Variants in PRKCD observed in about 807,000 individuals in gnomAD.
PRKCD encodes the protein protein kinase C delta type.
Under a neutral mutation model 82.2 loss-of-function variants are expected in PRKCD, and 20 were observed. The ratio of observed to expected loss-of-function variants is 0.24; its 90% confidence interval spans 0.17 to 0.35. The LOEUF (loss-of-function observed/expected upper bound fraction) is 0.35. Among genes scored for constraint, PRKCD ranks in the 10% least tolerant of loss-of-function variants. PRKCD has a pLI of 1.00. For synonymous variants in PRKCD, 317 were observed against 337.0 expected, an observed-to-expected ratio of 0.94 and a Z score of 0.65; for missense variants, 607 against 899.0, an observed-to-expected ratio of 0.68 and a Z score of 4.15.
intron 2 of PRKCD, among the ~76,000 whole-genome samples, chr3:53,173,313 G>A (rs1703102468): frequency 6.6e-6 from 1 of 152,128 alleles, no homozygotes; most frequent in Non-Finnish European, 1.5e-5. Context: ...CCACTGCCGG[G>A]TACTGGCTGG....
chr3:53,180,574 C>T (rs1240346752), intron 4 of PRKCD, among the ~76,000 whole-genome samples: 5 of 152,152 alleles, frequency 3.3e-5, no homozygotes, highest in African/African-American at 7.2e-5. Flanking sequence ...CAGCCTCCTG[C>T]GAGGGGTGAG....
intron 2 of PRKCD, among the ~76,000 whole-genome samples, chr3:53,167,661 T>C (rs1431293910): frequency 1.3e-5 from 2 of 152,246 alleles, no homozygotes; most frequent in Non-Finnish European, 2.9e-5. Context: ...CAGAGTTGAA[T>C]GAGTAGAAAC....
At chr3:53,187,427 C>T in intron 15 of PRKCD, 25 bp downstream of exon 15, 2 of 1,611,790 alleles carry the variant, frequency 1.2e-6, no homozygotes, top group Non-Finnish European at 1.7e-6. Context: ...GCAGCGGGGG[C>T]TCTTGGGAGG....
At position 53,167,634 on chromosome 3, in the gene PRKCD, C is replaced by T. The variant is rs146996211; in HGVS notation, c.-20+2419C>T. Among the ~76,000 whole-genome samples the T allele has an allele frequency of 4.2e-3, 640 of 152,368 alleles. 40 individuals are homozygous for T. The South Asian group carries it at 0.11, about 26-fold the overall frequency. ...ATAACATATGCAAAGTAGCTGGCAT[C>T]GTGCTTAGTGCATTGTCAGAGTTGA... On this transcript the variant is annotated intron_variant, in intron 2 of 18. Transcript: ENST00000330452.
rs187945460 is a variant in PRKCD at position 53,184,384 on chromosome 3, T to C, written c.788-490T>C. On this transcript the variant is annotated intron_variant, in intron 9 of 18. Transcript: ENST00000330452. ...AACAACAACAAAAATCATGAAAGAT[T>C]GAAATGCTTGGCCGGGCGTGGTGGC... 4.4e-3 allele frequency among the ~76,000 whole-genome samples: 637 copies of C among 145,330 alleles called. 33 individuals are homozygous for C. The South Asian group carries it at 0.096, about 22-fold the overall frequency.
chr3:53,187,363 G>A lies in PRKCD; in HGVS notation c.1376G>A (p.Cys459Tyr), dbSNP rs1553669478. Reference sequence around the variant, plus strand: ...AGGTTTTATGCCGCTGAGATAATGTGTGGACTGCAGTTTCTACACAGCAAG... The same window carrying A: ...AGGTTTTATGCCGCTGAGATAATGTATGGACTGCAGTTTCTACACAGCAAG... Reference protein sequence around the residue: ...RATFYAAEIMCGLQFLHSKGI... With the variant: ...RATFYAAEIMYGLQFLHSKGI... The change falls in exon 15 of 19, where the codon TGT (cysteine) becomes TAT (tyrosine). Residue 459 changes from cysteine to tyrosine, a missense_variant. Coordinates refer to ENST00000330452, the MANE Select transcript of PRKCD (RefSeq NM_006254.4). 3 of 1,614,184 alleles carry A rather than the reference G, an allele frequency of 1.9e-6. No homozygotes were observed. In the South Asian group the frequency reaches 3.3e-5, roughly 18 times the overall value.
chr3:53,182,922 C>T (rs1204683735), intron 7 of PRKCD, among the ~76,000 whole-genome samples, 199 bp from the exon 8 acceptor site: 2 of 152,232 alleles, frequency 1.3e-5, no homozygotes, highest in South Asian at 2.1e-4. Context: ...GTCCTCTCCG[C>T]CCCGTCCTCT....
chr3:53,179,740 G>A lies in PRKCD; in HGVS notation c.279G>A (p.Glu93=). The A allele has an allele frequency of 1.3e-6, 2 of 1,585,556 alleles. No homozygotes were observed. The highest frequency in any genetic ancestry group is 1.7e-6 in the Non-Finnish European group (2 of 1,164,084). ...EVTVGVSVLA[E]RCKKNNGKAE... is the part of the protein sequence containing the mutation. The stretch of plus-strand genomic sequence containing the variant: ...CCGTGGGTGTGTCGGTGCTGGCCGA[G>A]CGCTGCAAGAAGAACAATGGCAAGG... The change falls in exon 4 of 19, where the codon GAG becomes GAA. Residue 93 remains glutamate (E), a synonymous_variant. Transcript: ENST00000330452.
In PRKCD at chr3:53,192,308, C is replaced by T. The variant is rs1703954897; in HGVS notation, c.*42C>T. On this transcript the variant is annotated 3_prime_UTR_variant, in exon 19 of 19. Transcript: ENST00000330452. ...AGGCTAGCCCTGCCCTCCACCCACA[C>T]CTGCCCGCTCCCCACGATAAGCACC... 6.2e-7 allele frequency: 1 copy of T among 1,600,486 alleles called. No individual in the cohort carries two copies. Among genetic ancestry groups the T allele is most frequent in the South Asian group, 1.1e-5 (1 of 90,800 alleles).
intron 4 of PRKCD, among the ~76,000 whole-genome samples, chr3:53,181,006 C>A (rs554757623): frequency 4.6e-5 from 7 of 151,998 alleles, no homozygotes; most frequent in African/African-American, 1.7e-4. Flanking sequence ...TGTAATAATA[C>A]CCCTGGGTAC....
intron 15 of PRKCD, among the ~76,000 whole-genome samples, 200 bp from the exon 16 acceptor site, chr3:53,188,520 G>A (rs561682197): frequency 1.8e-4 from 27 of 152,292 alleles, no homozygotes; most frequent in African/African-American, 5.3e-4. Flanking sequence ...TATGCCCAGC[G>A]TTTAGCACAC....
At position 53,188,849 on chromosome 3, in the gene PRKCD, C is replaced by A. The variant is rs782440941; in HGVS notation, c.1545C>A (p.Ile515=). 6.2e-7 allele frequency: 1 copy of A among 1,614,112 alleles called. No homozygotes were observed. Residue 515 remains isoleucine (I), a synonymous_variant, in exon 16 of 19, where the codon ATC becomes ATA. Coordinates refer to ENST00000330452, the MANE Select transcript of PRKCD (RefSeq NM_006254.4). ...CCTTCTGCGGCACCCCTGACTATAT[C>A]GCCCCTGAGGTGAGCCGATACCCTT... is the stretch of plus-strand genomic sequence containing the variant. ...ASTFCGTPDY[I]APEILQGLKY...
chr3:53,177,908 A>G (rs1032983349), intron 2 of PRKCD, among the ~76,000 whole-genome samples: 13 of 150,660 alleles, frequency 8.6e-5, no homozygotes, highest in African/African-American at 3.2e-4. Context: ...GCAAATCCAG[A>G]CTTACATAAA....
In PRKCD at chr3:53,186,312, C is replaced by G; in HGVS notation, c.1232C>G (p.Thr411Ser). ...LTLAAENPFL[T>S]HLICTFQTKD... ...CTTGCCGCAGAGAATCCCTTTCTCA[C>G]CCACCTCATCTGCACCTTCCAGACC... The change falls in exon 13 of 19, where the codon ACC becomes AGC. Residue 411 changes from threonine to serine, a missense_variant. This residue lies in a region of PRKCD where 251 missense variants were observed against 423.9 expected (regional missense o/e 0.59). Transcript: ENST00000330452. 6.2e-7 allele frequency: 1 copy of G among 1,614,162 alleles called. No homozygotes were observed. The highest frequency in any genetic ancestry group is 1.3e-5 in the African/African-American group (1 of 75,038).
chr3:53,162,650 T>C (rs1702709819), intron 1 of PRKCD, among the ~76,000 whole-genome samples: 1 of 152,116 alleles, frequency 6.6e-6, no homozygotes, highest in Non-Finnish European at 1.5e-5. Flanking sequence ...GTGTGTCTTT[T>C]GCAACTGTGT....
intron 1 of PRKCD, among the ~76,000 whole-genome samples, chr3:53,162,459 C>T (rs374253831): frequency 1.3e-5 from 2 of 152,168 alleles, no homozygotes; most frequent in Non-Finnish European, 2.9e-5. Context: ...ACCCTGTATG[C>T]GTGGAAGCTG....
intron 1 of PRKCD, among the ~76,000 whole-genome samples, chr3:53,162,173 C>A (rs545089847): frequency 5.6e-4 from 85 of 152,056 alleles, no homozygotes; most frequent in Non-Finnish European, 8.2e-4. Context: ...CCTCTGAGAC[C>A]CCTCCCAGGG....
chr3:53,169,099 A>T lies in PRKCD; in HGVS notation c.-20+3884A>T, dbSNP rs1553664388. Among the ~76,000 whole-genome samples the T allele has an allele frequency of 6.6e-6, 1 of 151,940 alleles. No individual in the cohort carries two copies. Reference sequence around the variant, plus strand: ...AGGACAGGCTGCAGCGGCAGACGGGATGGCCTTATTGTGTGGGGAGCAGGG... The same window carrying T: ...AGGACAGGCTGCAGCGGCAGACGGGTTGGCCTTATTGTGTGGGGAGCAGGG... On this transcript the variant is annotated intron_variant, in intron 2 of 18. Transcript: ENST00000330452. This position sits in a 1 kb window ranked among gnomAD's most constrained non-coding sequence, Gnocchi z 4.7.
At chr3:53,181,866 A>C in intron 7 of PRKCD, 134 bp downstream of exon 7, 1 of 1,311,822 alleles carries the variant, frequency 7.6e-7, no homozygotes, top group Non-Finnish European at 1.1e-6. Flanking sequence ...TAGATACAGC[A>C]GCTGAGTTCA....
Sources: allele counts gnomAD v4.1 joint callset (sites outside exome capture counted in the v4.1 genomes callset), GRCh38; gene constraint gnomAD v4.1.1; regional missense constraint gnomAD v4.1.1; non-coding constraint Gnocchi (gnomAD v3.1); transcripts MANE v1.5; gene names NCBI Gene and HGNC (gene_info 2026-07-23, HGNC 2026-07-21).